GBF1: variants seen among roughly 807,000 people sequenced by gnomAD.
GBF1 encodes golgi brefeldin A resistant guanine nucleotide exchange factor 1.
In GBF1, 114 loss-of-function variants were observed where a neutral mutation model predicts 210.5. That is an observed-to-expected ratio of 0.54 (90% confidence interval 0.47 to 0.63). The LOEUF (loss-of-function observed/expected upper bound fraction) is 0.63. Ranked by LOEUF, GBF1 falls within the 30% of genes least tolerant of loss-of-function variation. GBF1 has a pLI of 0.00. For synonymous variants in GBF1, 850 were observed against 889.2 expected (o/e 0.96, Z 0.78); for missense variants, 1,851 against 2,357.7 (o/e 0.79, Z 4.45).
At position 102,382,184 on chromosome 10, in the gene GBF1, C is replaced by G; in HGVS notation, c.5431C>G (p.Leu1811Val). ...PPPLAQPPLI[L>V]QPLASPLQVG... Reference sequence around the variant, plus strand: ...ACCCTTGGCTCAGCCCCCACTGATCCTGCAGCCCTTGGCCTCCCCACTGCA... The same window carrying G: ...ACCCTTGGCTCAGCCCCCACTGATCGTGCAGCCCTTGGCCTCCCCACTGCA... Residue 1811 changes from leucine (L) to valine (V), a missense_variant, in exon 40 of 40, where the codon CTG becomes GTG. Physicochemically the swap from Leu to Val is conservative, Grantham distance 32. This residue lies in a region of GBF1 where 967 missense variants were observed against 1,247.7 expected (regional missense o/e 0.78). Coordinates refer to ENST00000369983, the MANE Select transcript of GBF1 (RefSeq NM_001377137.1). 1 of 1,614,098 alleles carries G rather than the reference C, an allele frequency of 6.2e-7. No homozygotes were observed. The highest frequency in any genetic ancestry group is 8.5e-7 in the Non-Finnish European group (1 of 1,179,964).
In GBF1 at chr10:102,382,148, G is replaced by A. The variant is rs770614924; in HGVS notation, c.5395G>A (p.Asp1799Asn). Residue 1799 changes from aspartate (D) to asparagine (N), a missense_variant, in exon 40 of 40, where the codon GAC becomes AAC. Physicochemically the swap from Asp to Asn is conservative, Grantham distance 23. Transcript: ENST00000369983. ...SSPSRLSPTP[D>N]GPPPLAQPPL... ...CCCCAGCAGGCTGAGCCCCACCCCC[G>A]ACGGGCCTCCACCCTTGGCTCAGCC... 9 of 1,612,346 alleles carry A rather than the reference G, an allele frequency of 5.6e-6. No homozygotes were observed. The highest frequency in any genetic ancestry group is 1.3e-5 in the African/African-American group (1 of 74,990).
intron 4 of GBF1, among the ~76,000 whole-genome samples, chr10:102,347,908 C>T (rs1014720974): frequency 5.3e-4 from 80 of 152,174 alleles, no homozygotes; most frequent in African/African-American, 1.9e-3. Flanking sequence ...TTGTCAAAGA[C>T]CTGTCACTCT....
intron 29 of GBF1, among the ~76,000 whole-genome samples, chr10:102,373,617 A>G (rs1336118527): frequency 6.6e-6 from 1 of 152,260 alleles, no homozygotes; most frequent in Non-Finnish European, 1.5e-5. Flanking sequence ...AATGGCTGAA[A>G]TAAAAAGTAG....
chr10:102,351,067 A>T (rs1303505793), intron 4 of GBF1, among the ~76,000 whole-genome samples, 189 bp from the exon 5 acceptor site: 1 of 150,852 alleles, frequency 6.6e-6, no homozygotes, highest in African/African-American at 2.5e-5. Context: ...AGCCTGGGCC[A>T]CAAAGTGAGA....
Position 102,361,068 on chromosome 10 carries a change from T to C in GBF1, c.1439T>C (p.Val480Ala). ...RLNLYAASLR[V>A]CFLLFESMRE... ...AACCTTTATGCTGCTTCCCTGCGAG[T>C]ATGCTTCCTACTGTTTGAGAGCATG... Residue 480 changes from valine to alanine, a missense_variant, in exon 13 of 40, where the codon GTA (valine) becomes GCA (alanine). This residue lies in a region of GBF1 where 804 missense variants were observed against 958.6 expected (regional missense o/e 0.84). Transcript: ENST00000369983. 3.7e-6 allele frequency: 6 copies of C among 1,608,316 alleles called. No individual in the cohort carries two copies. The highest frequency in any genetic ancestry group is 5.1e-6 in the Non-Finnish European group (6 of 1,175,174).
At chr10:102,334,002 A>G (rs1464167095) in intron 3 of GBF1, among the ~76,000 whole-genome samples, 1 of 152,128 alleles carries the variant, frequency 6.6e-6, no homozygotes, top group Non-Finnish European at 1.5e-5. Flanking sequence ...TAAATGAACT[A>G]ATTTCTTTTT....
chr10:102,307,233 G>T (rs1049997796), intron 3 of GBF1, among the ~76,000 whole-genome samples: 1 of 152,090 alleles, frequency 6.6e-6, no homozygotes, highest in Non-Finnish European at 1.5e-5. Flanking sequence ...ACTATAACAT[G>T]GACTTCAGTG....
At chr10:102,310,338 G>T (rs1037332259) in intron 3 of GBF1, among the ~76,000 whole-genome samples, 4 of 152,280 alleles carry the variant, frequency 2.6e-5, no homozygotes, top group African/African-American at 9.6e-5. Flanking sequence ...ACTTATCCTT[G>T]TTTTTCCTGA....
At chr10:102,367,866 G>A (rs1481644075) in intron 21 of GBF1, among the ~76,000 whole-genome samples, 1 of 152,224 alleles carries the variant, frequency 6.6e-6, no homozygotes, top group Non-Finnish European at 1.5e-5. Flanking sequence ...GGCTGGTAGA[G>A]AACCCAAGAT....
intron 8 of GBF1, among the ~76,000 whole-genome samples, chr10:102,356,540 C>T (rs889053740): frequency 1.1e-4 from 16 of 152,054 alleles, no homozygotes; most frequent in African/African-American, 1.2e-4. Flanking sequence ...CCAAGGCGGG[C>T]GGATCACGAG....
In GBF1 at chr10:102,379,526, G is replaced by A; in HGVS notation, c.4651G>A (p.Ala1551Thr). The A allele has an allele frequency of 6.2e-7, 1 of 1,614,152 alleles. No homozygotes were observed. The highest frequency in any genetic ancestry group is 8.5e-7 in the Non-Finnish European group (1 of 1,180,022). Reference sequence around the variant, plus strand: ...GACCCTGCTCTTGCTCTCAGGTATTGCCTGCCTGTGCTGCGATGCCCGGCG... The same window carrying A: ...GACCCTGCTCTTGCTCTCAGGTATTACCTGCCTGTGCTGCGATGCCCGGCG... ...HCWCPLLQGI[A>T]CLCCDARRQV... Residue 1551 changes from alanine to threonine, a missense_variant, in exon 35 of 40, where the codon GCC becomes ACC. Transcript: ENST00000369983.
At chr10:102,293,613 G>C (rs919605395) in intron 3 of GBF1, among the ~76,000 whole-genome samples, 2 of 152,010 alleles carry the variant, frequency 1.3e-5, no homozygotes, top group African/African-American at 4.8e-5. Context: ...TGATATTGAT[G>C]ATCCTGACAC....
chr10:102,232,129 G>GA, the GBF1 span: 43 of 1,195,800 alleles, frequency 3.6e-5, no homozygotes, highest in African/African-American at 5.6e-4. Flanking sequence ...GGGTAATGGG[G>GA]GTAAAATCTC....
intron 1 of GBF1, among the ~76,000 whole-genome samples, chr10:102,251,145 C>T (rs2071476072): frequency 1.3e-5 from 2 of 151,992 alleles, no homozygotes; most frequent in South Asian, 4.2e-4. Flanking sequence ...GCAAATAACA[C>T]TTAAGGAGAT....
intron 3 of GBF1, among the ~76,000 whole-genome samples, chr10:102,295,353 T>G (rs1278563805): frequency 6.6e-6 from 1 of 152,236 alleles, no homozygotes; most frequent in Non-Finnish European, 1.5e-5. Flanking sequence ...ACTCTGCACA[T>G]ATCAAACAGT....
At chr10:102,316,084 CTTTTTTTTTT>C (rs912378779) in intron 3 of GBF1, among the ~76,000 whole-genome samples, 20 of 133,102 alleles carry the variant, frequency 1.5e-4, no homozygotes, top group African/African-American at 5.6e-4. Flanking sequence ...CTTCCCTCCA[CTTTTTTTTTT>C]TTTTTTTTTT....
intron 29 of GBF1, among the ~76,000 whole-genome samples, chr10:102,372,050 T>C (rs2060238627): frequency 6.6e-6 from 1 of 151,678 alleles, no homozygotes; most frequent in African/African-American, 2.4e-5. Context: ...ACCCCGTCTC[T>C]ACTAAAAATA....
At chr10:102,247,967 C>G (rs1454611254) in intron 1 of GBF1, among the ~76,000 whole-genome samples, 1 of 152,208 alleles carries the variant, frequency 6.6e-6, no homozygotes, top group Non-Finnish European at 1.5e-5. Flanking sequence ...GCCACTTTCA[C>G]ATAATAACCT....
At chr10:102,332,112 C>T (rs1404431607) in intron 3 of GBF1, among the ~76,000 whole-genome samples, 1 of 151,740 alleles carries the variant, frequency 6.6e-6, no homozygotes, top group African/African-American at 2.4e-5. Context: ...TACCCGCCTC[C>T]GCCTCCCAAA....
Sources: allele counts gnomAD v4.1 joint callset (sites outside exome capture counted in the v4.1 genomes callset), GRCh38; gene constraint gnomAD v4.1.1; regional missense constraint gnomAD v4.1.1; transcripts MANE v1.5; gene names NCBI Gene and HGNC (gene_info 2026-07-23, HGNC 2026-07-21).